Variants in SUGCT observed in about 807,000 individuals in gnomAD.
SUGCT encodes the protein succinyl-CoA:glutarate-CoA transferase.
A neutral mutation model predicts 55.0 loss-of-function variants in SUGCT; 41 were observed. The ratio of observed to expected loss-of-function variants is 0.74; its 90% CI spans 0.58 to 0.97. SUGCT has a LOEUF of 0.97. Among genes scored for constraint, SUGCT ranks in the 50% least tolerant of loss-of-function variants. The probability of loss-of-function intolerance (pLI) is 0.00; values close to 1 mark genes in which losing one functional copy is unlikely to be tolerated. For synonymous variants in SUGCT, 187 were observed against 200.4 expected, an observed-to-expected ratio of 0.93 and a Z score of 0.56; for missense variants, 568 against 547.8, an observed-to-expected ratio of 1.04 and a Z score of -0.37.
At chr7:40,272,068 GCT>G (rs369167019) in intron 7 of SUGCT, among the ~76,000 whole-genome samples, 28,648 of 92,296 alleles carry the variant, frequency 0.31, 4,950 homozygotes, top group South Asian at 0.39. Flanking sequence ...TCTCTGTCTC[GCT>G]CTCTCTCTCT....
At chr7:40,754,532 G>C (rs1267785377) in intron 13 of SUGCT, among the ~76,000 whole-genome samples, 1 of 152,194 alleles carries the variant, frequency 6.6e-6, no homozygotes. Context: ...CCCTCGTGGA[G>C]CTTATGCTTG....
chr7:40,500,626 G>C (rs1481849580), intron 12 of SUGCT, among the ~76,000 whole-genome samples: 1 of 152,118 alleles, frequency 6.6e-6, no homozygotes, highest in Non-Finnish European at 1.5e-5. Context: ...GTGAAGTCTT[G>C]AAATATTTGA....
the SUGCT span, among the ~76,000 whole-genome samples, chr7:40,897,426 G>GACACACACACACAC: frequency 0.014 from 2,010 of 148,852 alleles, 17 homozygotes; most frequent in Non-Finnish European, 0.02. Context: ...AATAAAGCTG[G>GACACACACACACAC]ACACACACAC....
chr7:40,567,287 T>A (rs1355638024), intron 12 of SUGCT, among the ~76,000 whole-genome samples: 1 of 152,234 alleles, frequency 6.6e-6, no homozygotes, highest in African/African-American at 2.4e-5. Flanking sequence ...TTGACTATGG[T>A]TTACATGTAG....
At chr7:40,163,371 C>T (rs112064837) in intron 1 of SUGCT, among the ~76,000 whole-genome samples, 12 of 152,114 alleles carry the variant, frequency 7.9e-5, no homozygotes, top group African/African-American at 1.7e-4. Context: ...TTTGGGAGGT[C>T]GAGGTGGGCA....
intron 13 of SUGCT, among the ~76,000 whole-genome samples, chr7:40,772,152 CCTT>C (rs1239214717): frequency 1.3e-5 from 2 of 152,114 alleles, no homozygotes; most frequent in Non-Finnish European, 2.9e-5. Context: ...CTTCCTCCTC[CCTT>C]CTTCTTCACT....
chr7:40,415,561 T>C (rs1786954244), intron 9 of SUGCT, among the ~76,000 whole-genome samples: 1 of 151,982 alleles, frequency 6.6e-6, no homozygotes, highest in South Asian at 2.1e-4. Context: ...TTTTGGGTTT[T>C]CTACCTTTGG....
chr7:40,990,072 A>G, the SUGCT span, among the ~76,000 whole-genome samples: 3 of 152,356 alleles, frequency 2.0e-5, no homozygotes, highest in East Asian at 5.8e-4. Context: ...TTTTTAATGT[A>G]CTTTGCCCAA....
rs557955176 is a variant in SUGCT at position 40,628,749 on chromosome 7, G to T, written c.1090-120685G>T. ...GTTCTGTGTGTGTGTGTGTGTGTGTGTGTGTGTTTTAGATGGAGTCTCACT... is the reference window on the plus strand; with the variant it reads ...GTTCTGTGTGTGTGTGTGTGTGTGTTTGTGTGTTTTAGATGGAGTCTCACT... On this transcript the variant is annotated intron_variant, in intron 12 of 13. Transcript: ENST00000335693. 2.6e-5 allele frequency among the ~76,000 whole-genome samples: 4 copies of T among 152,074 alleles called. No homozygotes were observed. In the South Asian group the frequency reaches 8.3e-4, roughly 32 times the overall value.
chr7:40,287,193 AT>A (rs575131786), intron 8 of SUGCT, among the ~76,000 whole-genome samples: 17 of 151,914 alleles, frequency 1.1e-4, no homozygotes, highest in African/African-American at 4.1e-4. Flanking sequence ...TCATATATTC[AT>A]TTTTTTTAAT....
intron 12 of SUGCT, among the ~76,000 whole-genome samples, chr7:40,608,176 A>G (rs1225974984): frequency 6.6e-6 from 1 of 152,202 alleles, no homozygotes; most frequent in Non-Finnish European, 1.5e-5. Flanking sequence ...ACGTAATGTA[A>G]CATACATGAA....
chr7:40,319,762 A>G (rs1369024644), intron 9 of SUGCT, among the ~76,000 whole-genome samples: 1 of 152,190 alleles, frequency 6.6e-6, no homozygotes. Context: ...CAGAGCTGAC[A>G]TAATTTTGCT....
rs79560080 is a variant in SUGCT, at chr7:40,272,351, A to G, written c.577-2162A>G. 1.3e-3 allele frequency among the ~76,000 whole-genome samples: 191 copies of G among 148,710 alleles called. 1 individual carries two copies. The East Asian group carries it at 0.032, about 25-fold the overall frequency. On this transcript the variant is annotated intron_variant, in intron 7 of 13. Transcript: ENST00000335693. ...GCCACCATGCCCGGCTAATTTTTGT[A>G]TTTTTTGGTAGAGACAGGGTCTTAC...
chr7:40,694,327 G>C (rs897494202), intron 12 of SUGCT, among the ~76,000 whole-genome samples: 1 of 152,180 alleles, frequency 6.6e-6, no homozygotes, highest in Non-Finnish European at 1.5e-5. Flanking sequence ...ATGTGAGCAG[G>C]CTCCTGGCAA....
the SUGCT span, among the ~76,000 whole-genome samples, chr7:40,994,786 T>C: frequency 6.6e-6 from 1 of 152,186 alleles, no homozygotes; most frequent in African/African-American, 2.4e-5. Context: ...ACCATCCCTT[T>C]GGTGACAAGT....
the SUGCT span, among the ~76,000 whole-genome samples, chr7:40,961,589 G>A: frequency 6.6e-6 from 1 of 152,326 alleles, no homozygotes; most frequent in South Asian, 2.1e-4. Context: ...ATAGAAGTGT[G>A]TATGGAATTG....
Position 40,206,884 on chromosome 7 carries a change from C to A in SUGCT, c.484+11824C>A, listed in dbSNP as rs151194846. Among the ~76,000 whole-genome samples, 76 of 152,152 alleles carry A rather than the reference C, an allele frequency of 5.0e-4. No homozygotes were observed. In the East Asian group the frequency reaches 0.014, roughly 27 times the overall value. On this transcript the variant is annotated intron_variant, in intron 6 of 13. Transcript: ENST00000335693. Reference sequence around the variant, plus strand: ...ATGTGGAACCCATGGATACAAAAGGCAGATTGTATTTGATTATAAGAAAGA... The same window carrying A: ...ATGTGGAACCCATGGATACAAAAGGAAGATTGTATTTGATTATAAGAAAGA...
intron 12 of SUGCT, among the ~76,000 whole-genome samples, chr7:40,720,514 A>G (rs902204138): frequency 6.6e-6 from 1 of 152,190 alleles, no homozygotes; most frequent in Non-Finnish European, 1.5e-5. Flanking sequence ...CAAAATGTAT[A>G]TGGAATCTCT....
chr7:40,172,266 G>A (rs1784713695), intron 1 of SUGCT, among the ~76,000 whole-genome samples: 1 of 152,136 alleles, frequency 6.6e-6, no homozygotes, highest in Admixed American at 6.5e-5. Flanking sequence ...GGGGAGGAGA[G>A]CATCTTACAC....
Sources: gnomAD v4.1 joint callset for allele counts (sites outside exome capture counted in the v4.1 genomes callset) on GRCh38, gnomAD v4.1.1 for gene constraint, MANE v1.5 for transcripts, NCBI Gene and HGNC (gene_info 2026-07-23, HGNC 2026-07-21) for gene names.